The following ZFAND6 variants were observed in gnomAD, a reference collection of about 807,000 sequenced individuals.
ZFAND6 encodes AN1-type zinc finger protein 6.
In ZFAND6, 12 loss-of-function variants were observed where a neutral mutation model predicts 24.5. The observed-to-expected ratio is 0.49, with a 90% CI of 0.31 to 0.79. The LOEUF is 0.79. ZFAND6 is among the 30% of genes least tolerant of loss of function. The probability of loss-of-function intolerance (pLI) is 0.04; values close to 1 mark genes in which losing one functional copy is unlikely to be tolerated. For missense variants in ZFAND6, 207 were observed against 245.9 expected (o/e 0.84, Z 1.06); for synonymous variants, 92 against 81.5 (o/e 1.13, Z -0.69).
Position 80,070,013 on chromosome 15 carries a change from A to G in ZFAND6, c.-181+10204A>G, listed in dbSNP as rs573783860. Among the ~76,000 whole-genome samples, 14 of 152,264 alleles carry G rather than the reference A, an allele frequency of 9.2e-5. No homozygotes were observed. In the South Asian group the frequency reaches 1.0e-3, roughly 11 times the overall value. Reference sequence around the variant, plus strand: ...CAGGGTGGTCTTTTTATCAACTACTACAATAAACCACCAGTCGTGCCAGAG... The same window carrying G: ...CAGGGTGGTCTTTTTATCAACTACTGCAATAAACCACCAGTCGTGCCAGAG... On this transcript the variant is annotated intron_variant, in intron 1 of 6. Transcript: ENST00000261749.
In ZFAND6 at chr15:80,065,001, CCTT is replaced by C. The variant is rs573899659; in HGVS notation, c.-181+5193_-181+5195del. 8.4e-3 allele frequency among the ~76,000 whole-genome samples: 1,123 copies of C among 133,530 alleles called. 17 individuals carry two copies. Among genetic ancestry groups the C allele is most frequent in the African/African-American group, 0.02 (747 of 36,624 alleles). 87.6% of individuals were successfully genotyped at this position (133,530 alleles called of 152,430 possible). On this transcript the variant is annotated intron_variant, in intron 1 of 6. Coordinates refer to ENST00000261749, the MANE Select transcript of ZFAND6 (RefSeq NM_019006.4). ...TTTTCTCTTGCTCTCTCTCTCTCCC[CCTT>C]TTTTTTTTTTTTTTTTTTAACAAAA...
intron 6 of ZFAND6, among the ~76,000 whole-genome samples, chr15:80,135,068 C>T (rs2040794956): frequency 1.3e-5 from 2 of 152,140 alleles, no homozygotes; most frequent in South Asian, 4.1e-4. Flanking sequence ...CCTTCTCCAC[C>T]TCTGCTAACC....
At chr15:80,076,398 C>T (rs879798839) in intron 1 of ZFAND6, among the ~76,000 whole-genome samples, 9 of 151,174 alleles carry the variant, frequency 6.0e-5, no homozygotes, top group African/African-American at 1.9e-4. Context: ...TTTTCCTTCA[C>T]GTGTTAGCAT....
intron 6 of ZFAND6, among the ~76,000 whole-genome samples, chr15:80,134,845 CAG>C (rs2040782944): frequency 6.6e-6 from 1 of 152,300 alleles, no homozygotes; most frequent in African/African-American, 2.4e-5. Flanking sequence ...GACAGTCTGA[CAG>C]AAGGGGTCTG....
At chr15:80,080,808 C>G (rs1369466634) in intron 1 of ZFAND6, among the ~76,000 whole-genome samples, 2 of 152,184 alleles carry the variant, frequency 1.3e-5, no homozygotes, top group African/African-American at 4.8e-5. Context: ...CATCACATGA[C>G]AAAAGCCAGG....
intron 1 of ZFAND6, among the ~76,000 whole-genome samples, chr15:80,084,959 A>G (rs1456628194): frequency 6.6e-6 from 1 of 152,172 alleles, no homozygotes; most frequent in Non-Finnish European, 1.5e-5. Context: ...TTCACTACTC[A>G]TTCCTTTTGC....
chr15:80,131,168 T>C lies in ZFAND6; in HGVS notation c.365-12T>C, dbSNP rs766296616. 1.1e-5 allele frequency: 17 copies of C among 1,532,380 alleles called. No homozygotes were observed. In the Admixed American group the frequency reaches 3.3e-4, roughly 30 times the overall value. 94.9% of individuals were successfully genotyped at this position (1,532,380 alleles called of 1,614,324 possible). A position where few individuals can be genotyped will look rare whatever the true frequency, so the allele number is the denominator to read the frequency against. On this transcript the variant is annotated splice_polypyrimidine_tract_variant and intron_variant, in intron 5 of 6. Transcript: ENST00000261749. ...GAATAATTAAATTTTGCCACCTTCGTATTTTTGTTAGCTTCAGTATCAGAC... is the reference window on the plus strand; with the variant it reads ...GAATAATTAAATTTTGCCACCTTCGCATTTTTGTTAGCTTCAGTATCAGAC...
intron 1 of ZFAND6, among the ~76,000 whole-genome samples, chr15:80,063,264 CTA>C (rs1567045154): frequency 6.6e-6 from 1 of 152,092 alleles, no homozygotes; most frequent in Non-Finnish European, 1.5e-5. Flanking sequence ...AACCCAAAAA[CTA>C]TTATTTCAAC....
At chr15:80,070,748 ACTATTTACTAATTTTATG>A (rs2036930376) in intron 1 of ZFAND6, among the ~76,000 whole-genome samples, 1 of 152,096 alleles carries the variant, frequency 6.6e-6, no homozygotes, top group African/African-American at 2.4e-5. Context: ...GGTTTCCATA[ACTATTTACTAATTTTATG>A]CTTGCCAGAT....
chr15:80,134,046 G>A (rs777385406), intron 6 of ZFAND6, among the ~76,000 whole-genome samples: 34 of 149,858 alleles, frequency 2.3e-4, no homozygotes, highest in Non-Finnish European at 4.3e-4. Flanking sequence ...GGAGTGCAGT[G>A]GCGCACTCTC....
chr15:80,103,282 C>T (rs996064456), intron 2 of ZFAND6, among the ~76,000 whole-genome samples: 1 of 152,092 alleles, frequency 6.6e-6, no homozygotes, highest in Non-Finnish European at 1.5e-5. Flanking sequence ...AGTGCTTAGC[C>T]CAGGGCCTAG....
intron 3 of ZFAND6, chr15:80,120,817 A>T (rs1250576866): frequency 1.3e-5 from 2 of 159,024 alleles, no homozygotes; most frequent in African/African-American, 4.8e-5. Flanking sequence ...TTGTTCTTTT[A>T]TCTGGTGTGA....
intron 1 of ZFAND6, among the ~76,000 whole-genome samples, chr15:80,062,757 A>T (rs916818521): frequency 6.6e-6 from 1 of 152,236 alleles, no homozygotes; most frequent in African/African-American, 2.4e-5. Context: ...AACTTGAGAA[A>T]GAATAGAAAG....
chr15:80,078,086 G>T (rs2141842898), intron 1 of ZFAND6, among the ~76,000 whole-genome samples: 1 of 152,216 alleles, frequency 6.6e-6, no homozygotes, highest in Admixed American at 6.5e-5. Flanking sequence ...AGGTTCAGGG[G>T]TACATGTGTA....
intron 1 of ZFAND6, among the ~76,000 whole-genome samples, chr15:80,066,238 C>T (rs2036623230): frequency 6.6e-6 from 1 of 151,756 alleles, no homozygotes; most frequent in South Asian, 2.1e-4. Context: ...GACTGTCTCT[C>T]TGAGGATGTC....
intron 1 of ZFAND6, among the ~76,000 whole-genome samples, chr15:80,096,089 C>T (rs1300717439): frequency 6.6e-6 from 1 of 152,176 alleles, no homozygotes; most frequent in Admixed American, 6.5e-5. Context: ...CTAGCTCTGC[C>T]ACTTAACTAG....
At chr15:80,117,665 A>T (rs573203565) in intron 2 of ZFAND6, among the ~76,000 whole-genome samples, 21 of 152,324 alleles carry the variant, frequency 1.4e-4, no homozygotes, top group Middle Eastern at 3.4e-3. Flanking sequence ...TTTACACAAC[A>T]GGAGTGCTTC....
In ZFAND6 at chr15:80,116,776, T is replaced by G. The variant is rs1358466763; in HGVS notation, c.-17-3552T>G. On this transcript the variant is annotated intron_variant, in intron 2 of 6. Transcript: ENST00000261749. ...TTTCTTAAAGCATTATTTATATATT[T>G]ATTTATTTTAGTTCATCCACTGTCG... 3.3e-5 allele frequency among the ~76,000 whole-genome samples: 5 copies of G among 152,300 alleles called. No individual in the cohort carries two copies. The East Asian group carries it at 9.6e-4, about 29-fold the overall frequency.
At chr15:80,095,909 T>C (rs920350396) in intron 1 of ZFAND6, among the ~76,000 whole-genome samples, 1 of 152,260 alleles carries the variant, frequency 6.6e-6, no homozygotes, top group African/African-American at 2.4e-5. Flanking sequence ...CTGTTGGTTT[T>C]CTGATAACAT....
Sources: gnomAD v4.1 joint callset for allele counts (sites outside exome capture counted in the v4.1 genomes callset) on GRCh38, gnomAD v4.1.1 for gene constraint, MANE v1.5 for transcripts, NCBI Gene and HGNC (gene_info 2026-07-23, HGNC 2026-07-21) for gene names.